Variants in PIK3CB observed in about 807,000 individuals in gnomAD.
PIK3CB encodes the protein phosphatidylinositol 4,5-bisphosphate 3-kinase catalytic subunit beta isoform.
PIK3CB carries 39 observed loss-of-function variants against 136.8 expected under a neutral mutation model. The observed-to-expected ratio is 0.29, with a 90% CI of 0.22 to 0.37. The LOEUF (loss-of-function observed/expected upper bound fraction) is 0.37, where lower values mean the gene tolerates loss of function less well. Ranked by LOEUF, PIK3CB falls within the 10% of genes least tolerant of loss-of-function variation. The pLI is 1.00. For synonymous variants in PIK3CB, 428 were observed against 436.6 expected, an observed-to-expected ratio of 0.98 and a Z score of 0.25; for missense variants, 868 against 1,275.4, an observed-to-expected ratio of 0.68 and a Z score of 4.87.
At chr3:138,768,629 G>C (rs2045763150) in intron 2 of PIK3CB, among the ~76,000 whole-genome samples, 1 of 152,186 alleles carries the variant, frequency 6.6e-6, no homozygotes, top group Non-Finnish European at 1.5e-5. Flanking sequence ...TCCTGTTGCT[G>C]ATCATGGCAC....
chr3:138,682,040 G>A lies in PIK3CB; in HGVS notation c.2431C>T (p.Arg811Ter), dbSNP rs2108481276. ...GVIFKNGDDLRQDMLTLQMLR... is the reference protein window; with the variant it reads ...GVIFKNGDDL ...ATTTGGAGTGTCAACATATCCTGTC[G>A]TAAATCTAAGGGAAAACAAACTGCT... is the stretch of plus-strand genomic sequence containing the variant. The change falls in exon 19 of 24, where the codon CGA (arginine) becomes TGA (stop). Residue 811 changes from arginine (R) to a stop codon, truncating the protein, a stop_gained. Transcript: ENST00000674063. LOFTEE classifies it high-confidence loss of function. 1.9e-6 allele frequency: 3 copies of A among 1,607,222 alleles called. No individual in the cohort carries two copies. The highest frequency in any genetic ancestry group is 2.6e-6 in the Non-Finnish European group (3 of 1,175,846).
intron 12 of PIK3CB, among the ~76,000 whole-genome samples, chr3:138,703,749 A>G (rs2044306961): frequency 6.6e-6 from 1 of 152,156 alleles, no homozygotes; most frequent in South Asian, 2.1e-4. Context: ...TTGACCCTCA[A>G]TATCCATTCT....
chr3:138,734,237 G>A (rs938486907), intron 7 of PIK3CB, among the ~76,000 whole-genome samples: 1 of 152,006 alleles, frequency 6.6e-6, no homozygotes. Context: ...AAGAAGGCAG[G>A]CAAATTATAC....
At chr3:138,704,708 T>A (rs1034712408) in intron 11 of PIK3CB, among the ~76,000 whole-genome samples, 1 of 152,054 alleles carries the variant, frequency 6.6e-6, no homozygotes, top group Non-Finnish European at 1.5e-5. Context: ...TTATGACTCC[T>A]AGGAAGCACT....
In PIK3CB at chr3:138,700,798, T is replaced by A. The variant is rs576945779; in HGVS notation, c.1582-1703A>T. Among the ~76,000 whole-genome samples the A allele has an allele frequency of 2.7e-3, 416 of 151,938 alleles. 4 individuals are homozygous for A. The highest frequency in any genetic ancestry group is 8.3e-3 in the African/African-American group (346 of 41,460). ...CCTATGTTATAAGCCAACTAATAAATCCAAAACGAAAAGCAAGATTTAAAA... is the reference window on the plus strand; with the variant it reads ...CCTATGTTATAAGCCAACTAATAAAACCAAAACGAAAAGCAAGATTTAAAA... On this transcript the variant is annotated intron_variant, in intron 12 of 23. Transcript: ENST00000674063.
intron 2 of PIK3CB, among the ~76,000 whole-genome samples, chr3:138,774,021 T>C (rs181983268): frequency 2.0e-5 from 3 of 152,346 alleles, no homozygotes; most frequent in East Asian, 1.9e-4. Flanking sequence ...TACATTAACA[T>C]AGAGACCTTC....
chr3:138,681,954 G>T lies in PIK3CB; in HGVS notation c.2504+13C>A, dbSNP rs774931503. On this transcript the variant is annotated intron_variant, in intron 19 of 23. Coordinates refer to ENST00000674063, the MANE Select transcript of PIK3CB (RefSeq NM_006219.3). ...GACATTAGACTGAAAAAAAAAAAAA[G>T]ACTAGATCTCACCGAAGATCCAAAC... The T allele has an allele frequency of 3.4e-6, 5 of 1,470,444 alleles. No individual in the cohort carries two copies. Among genetic ancestry groups the T allele is most frequent in the Middle Eastern group, 1.8e-4 (1 of 5,640 alleles). The allele number at this position is 1,470,444 out of a possible 1,614,324, so 91.1% of individuals were successfully genotyped here.
rs531503502 is a variant in PIK3CB, at chr3:138,813,295, A to C, written c.-121-16728T>G. On this transcript the variant is annotated intron_variant, in intron 1 of 23. Coordinates refer to ENST00000674063, the MANE Select transcript of PIK3CB (RefSeq NM_006219.3). ...TGGTTCACCCAGAGAGTTAAGACAC[A>C]CTTAAGTGATACAGTTCCCAAAGAT... Among the ~76,000 whole-genome samples, 4 of 152,216 alleles carry C rather than the reference A, an allele frequency of 2.6e-5. No homozygotes were observed. In the East Asian group the frequency reaches 7.7e-4, roughly 29 times the overall value.
intron 1 of PIK3CB, among the ~76,000 whole-genome samples, chr3:138,814,997 G>A (rs1368399882): frequency 2.0e-5 from 3 of 151,372 alleles, no homozygotes; most frequent in African/African-American, 4.8e-5. Flanking sequence ...GAAATTAGCC[G>A]GGCATGGTGG....
chr3:138,666,930 G>A (rs140227139), intron 19 of PIK3CB, among the ~76,000 whole-genome samples: 67 of 152,246 alleles, frequency 4.4e-4, no homozygotes, highest in African/African-American at 1.5e-3. Flanking sequence ...GGCCGGGTGC[G>A]GTGGCTCACA....
chr3:138,707,740 T>G, intron 10 of PIK3CB: 1 of 169,022 alleles, frequency 5.9e-6, no homozygotes, highest in Non-Finnish European at 1.2e-5. Context: ...CTAACGATAA[T>G]GCTCTTTATT....
At position 138,710,721 on chromosome 3, in the gene PIK3CB, T is replaced by C. The variant is rs536324399; in HGVS notation, c.1399+1487A>G. Among the ~76,000 whole-genome samples the C allele has an allele frequency of 7.9e-5, 12 of 152,322 alleles. No individual in the cohort carries two copies. The East Asian group carries it at 1.2e-3, about 15-fold the overall frequency. On this transcript the variant is annotated intron_variant, in intron 10 of 23. Coordinates refer to ENST00000674063, the MANE Select transcript of PIK3CB (RefSeq NM_006219.3). ...CACTTGATGAGGGTATTTTGAGTAG[T>C]ATTTGAGAAATAAAAGCGTGTGGAA...
At chr3:138,789,696 A>G (rs1318587730) in intron 2 of PIK3CB, among the ~76,000 whole-genome samples, 1 of 117,514 alleles carries the variant, frequency 8.5e-6, no homozygotes, top group Admixed American at 1.0e-4. Context: ...AATATTATTC[A>G]GCCTTTTTTT....
chr3:138,767,016 A>C (rs570103830), intron 2 of PIK3CB, among the ~76,000 whole-genome samples: 2 of 150,912 alleles, frequency 1.3e-5, no homozygotes, highest in East Asian at 1.9e-4. Context: ...TTTTTGAGAC[A>C]AAAAAAAAGT....
At chr3:138,664,620 A>G (rs1474398287) in intron 20 of PIK3CB, among the ~76,000 whole-genome samples, 2 of 152,168 alleles carry the variant, frequency 1.3e-5, no homozygotes, top group African/African-American at 4.8e-5. Context: ...TTTATTTCCT[A>G]TATATTAGTG....
chr3:138,823,253 C>A (rs896853408), intron 1 of PIK3CB, among the ~76,000 whole-genome samples: 1 of 150,986 alleles, frequency 6.6e-6, no homozygotes, highest in Non-Finnish European at 1.5e-5. Flanking sequence ...AGTCCCCATC[C>A]CTAAAAAAAT....
At position 138,660,463 on chromosome 3, in the gene PIK3CB, T is replaced by C. The variant is rs184563106; in HGVS notation, c.2797-2628A>G. Among the ~76,000 whole-genome samples the C allele has an allele frequency of 1.6e-4, 25 of 152,368 alleles. No homozygotes were observed. In the East Asian group the frequency reaches 4.6e-3, roughly 28 times the overall value. Reference sequence around the variant, plus strand: ...ACCCTGTTTTCCCAGAGTTCTTTTCTTTTCTTCCCTATTTTGCTTATTTGG... The same window carrying C: ...ACCCTGTTTTCCCAGAGTTCTTTTCCTTTCTTCCCTATTTTGCTTATTTGG... On this transcript the variant is annotated intron_variant, in intron 21 of 23. Coordinates refer to ENST00000674063, the MANE Select transcript of PIK3CB (RefSeq NM_006219.3).
chr3:138,807,190 T>C (rs980499202), intron 1 of PIK3CB, among the ~76,000 whole-genome samples: 2 of 152,204 alleles, frequency 1.3e-5, no homozygotes, highest in Non-Finnish European at 2.9e-5. Flanking sequence ...CCCTAGCACT[T>C]TGGGAGGCCC....
intron 2 of PIK3CB, among the ~76,000 whole-genome samples, chr3:138,794,111 C>T (rs528896058): frequency 3.9e-5 from 6 of 151,960 alleles, no homozygotes; most frequent in Non-Finnish European, 8.8e-5. Flanking sequence ...TACAGGTGCC[C>T]GCCACCATGC....
Sources: allele counts gnomAD v4.1 joint callset (sites outside exome capture counted in the v4.1 genomes callset), GRCh38; gene constraint gnomAD v4.1.1; transcripts MANE v1.5; gene names NCBI Gene and HGNC (gene_info 2026-07-23, HGNC 2026-07-21).